Variants in NAALADL2 observed in about 807,000 individuals in gnomAD.
NAALADL2 encodes the protein inactive N-acetylated-alpha-linked acidic dipeptidase-like protein 2.
A neutral mutation model predicts 87.2 loss-of-function variants in NAALADL2; 76 were observed. The observed-to-expected ratio is 0.87, with a 90% CI of 0.72 to 1.05. NAALADL2 has a LOEUF of 1.05. Ranked by LOEUF, NAALADL2 falls within the 50% of genes least tolerant of loss-of-function variation. The pLI is 0.00. For missense variants in NAALADL2, 1,089 were observed against 945.8 expected (o/e 1.15, Z -1.99); for synonymous variants, 354 against 331.0 (o/e 1.07, Z -0.75).
chr3:175,046,782 C>T (rs987483562), intron 1 of NAALADL2, among the ~76,000 whole-genome samples: 7 of 152,184 alleles, frequency 4.6e-5, no homozygotes, highest in Non-Finnish European at 4.4e-5. Flanking sequence ...TCATCATCTT[C>T]TTCCCAGCTC....
chr3:175,113,428 A>G (rs1299537758), intron 2 of NAALADL2, among the ~76,000 whole-genome samples: 1 of 151,540 alleles, frequency 6.6e-6, no homozygotes, highest in Non-Finnish European at 1.5e-5. Context: ...TTTGATTAAA[A>G]CTAAAATTCT....
chr3:174,691,233 A>C (rs374455499), intron 2 of NAALADL2, among the ~76,000 whole-genome samples: 1 of 152,020 alleles, frequency 6.6e-6, no homozygotes, highest in Non-Finnish European at 1.5e-5. Context: ...CCAACATGGC[A>C]AAACCCCATT....
intron 11 of NAALADL2, chr3:175,718,385 C>T: frequency 6.3e-7 from 1 of 1,594,056 alleles, no homozygotes; most frequent in Non-Finnish European, 8.6e-7. Flanking sequence ...TCCATTAGAA[C>T]TATTTACTCC....
At chr3:175,314,600 G>A (rs1227788880) in intron 4 of NAALADL2, among the ~76,000 whole-genome samples, 1 of 61,638 alleles carries the variant, frequency 1.6e-5, no homozygotes, top group East Asian at 3.8e-4. Flanking sequence ...TATATATATA[G>A]GCTATACATA....
At chr3:175,311,336 T>G (rs1758340154) in intron 4 of NAALADL2, among the ~76,000 whole-genome samples, 1 of 152,100 alleles carries the variant, frequency 6.6e-6, no homozygotes, top group Non-Finnish European at 1.5e-5. Flanking sequence ...ACATTATTAT[T>G]TTCCATTACT....
intron 2 of NAALADL2, among the ~76,000 whole-genome samples, chr3:174,620,758 C>T (rs1049104649): frequency 7.2e-5 from 11 of 151,962 alleles, no homozygotes; most frequent in Non-Finnish European, 5.9e-5. Context: ...GTTGGGTGCA[C>T]ATAAATACTT....
intron 1 of NAALADL2, among the ~76,000 whole-genome samples, chr3:175,040,486 G>T (rs996242654): frequency 1.3e-5 from 2 of 152,152 alleles, no homozygotes; most frequent in African/African-American, 4.8e-5. Flanking sequence ...TTTCCATAAA[G>T]TGTCAGTGCA....
At chr3:174,616,660 C>T (rs1023150269) in intron 2 of NAALADL2, among the ~76,000 whole-genome samples, 2 of 151,788 alleles carry the variant, frequency 1.3e-5, no homozygotes, top group African/African-American at 4.8e-5. Context: ...GTTTTCTTAT[C>T]TACTGTATGT....
At chr3:175,783,989 A>G (rs1278591337) in intron 13 of NAALADL2, among the ~76,000 whole-genome samples, 1 of 142,098 alleles carries the variant, frequency 7.0e-6, no homozygotes, top group African/African-American at 2.8e-5. Flanking sequence ...GGCTCTGTTT[A>G]TATGCTGGAT....
intron 5 of NAALADL2, among the ~76,000 whole-genome samples, chr3:175,362,171 G>A (rs199865663): frequency 6.8e-6 from 1 of 147,882 alleles, no homozygotes; most frequent in African/African-American, 2.5e-5. Context: ...AAGATCAGAT[G>A]GTTGTAGATG....
intron 1 of NAALADL2, among the ~76,000 whole-genome samples, chr3:174,895,270 T>A (rs1731369049): frequency 6.6e-6 from 1 of 150,880 alleles, no homozygotes; most frequent in Non-Finnish European, 1.5e-5. Context: ...TAAAAAAAAA[T>A]TGACAAAATT....
At chr3:174,447,265 TG>T (rs1715127726) in intron 1 of NAALADL2, among the ~76,000 whole-genome samples, 1 of 152,168 alleles carries the variant, frequency 6.6e-6, no homozygotes, top group African/African-American at 2.4e-5. Flanking sequence ...AGGGGATTAA[TG>T]GCTCCCTCAG....
At chr3:175,322,195 C>A (rs931420355) in intron 4 of NAALADL2, among the ~76,000 whole-genome samples, 1 of 151,206 alleles carries the variant, frequency 6.6e-6, no homozygotes, top group African/African-American at 2.4e-5. Flanking sequence ...ATACCTACAA[C>A]TATCTGATCT....
intron 2 of NAALADL2, among the ~76,000 whole-genome samples, chr3:175,227,961 T>C (rs1317250278): frequency 6.6e-6 from 1 of 151,974 alleles, no homozygotes; most frequent in East Asian, 1.9e-4. Flanking sequence ...TTAAGAGTTA[T>C]TTTTAAACTT....
At chr3:174,919,426 A>G (rs1734844751) in intron 1 of NAALADL2, among the ~76,000 whole-genome samples, 1 of 152,218 alleles carries the variant, frequency 6.6e-6, no homozygotes, top group African/African-American at 2.4e-5. Context: ...TTACTTCACC[A>G]GGAGCACATG....
Position 175,132,007 on chromosome 3 carries a change from C to T in NAALADL2, c.545+34716C>T, listed in dbSNP as rs547156535. On this transcript the variant is annotated intron_variant, in intron 2 of 13. Coordinates refer to ENST00000454872, the MANE Select transcript of NAALADL2 (RefSeq NM_207015.3). ...TGGCCGGGAGGGGGACTGACCCCCC[C>T]ACCTCCCTCCCGGACGGGGCGGCTG... Among the ~76,000 whole-genome samples the T allele has an allele frequency of 2.3e-3, 289 of 125,502 alleles. 26 individuals are homozygous for T. The highest frequency in any genetic ancestry group is 8.7e-3 in the African/African-American group (275 of 31,722). 82.3% of individuals were successfully genotyped at this position (125,502 alleles called of 152,430 possible).
chr3:174,786,902 A>T (rs569409641), intron 3 of NAALADL2, among the ~76,000 whole-genome samples: 2 of 152,232 alleles, frequency 1.3e-5, no homozygotes, highest in South Asian at 4.1e-4. Context: ...AGATATTCTG[A>T]TATGAAGTTA....
intron 2 of NAALADL2, among the ~76,000 whole-genome samples, chr3:174,607,196 C>G (rs1437870049): frequency 2.0e-5 from 3 of 151,954 alleles, no homozygotes; most frequent in Non-Finnish European, 4.4e-5. Context: ...CAACTGGTAC[C>G]AGCCGCTGCA....
chr3:174,676,677 T>C (rs888304537), intron 2 of NAALADL2, among the ~76,000 whole-genome samples: 1 of 151,882 alleles, frequency 6.6e-6, no homozygotes, highest in African/African-American at 2.4e-5. Context: ...GTATAAACTT[T>C]ACATCACAAA....
Sources: gnomAD v4.1 joint callset for allele counts (sites outside exome capture counted in the v4.1 genomes callset) on GRCh38, gnomAD v4.1.1 for gene constraint, MANE v1.5 for transcripts, NCBI Gene and HGNC (gene_info 2026-07-23, HGNC 2026-07-21) for gene names.